BIRC2: variants seen among roughly 807,000 people sequenced by gnomAD.
BIRC2 encodes baculoviral IAP repeat-containing protein 2.
Under a neutral mutation model 60.9 loss-of-function variants are expected in BIRC2, and 18 were observed. That is an observed-to-expected ratio of 0.30 (90% CI 0.20 to 0.44). The LOEUF (loss-of-function observed/expected upper bound fraction) is 0.44. BIRC2 is among the 20% of genes least tolerant of loss of function. The pLI, the probability that BIRC2 is intolerant of heterozygous loss-of-function variation, is 1.00. For synonymous variants in BIRC2, 282 were observed against 247.7 expected, an observed-to-expected ratio of 1.14 and a Z score of -1.30; for missense variants, 701 against 728.5, an observed-to-expected ratio of 0.96 and a Z score of 0.43.
chr11:102,378,201 TTTAACC>T lies in BIRC2; in HGVS notation c.*20_*25del. ...TCTCTTAAAGAAAAATAGTCTATATTTTAACCTGCATAAAAAGGTCTTTAAAATATT... is the reference window on the plus strand; with the variant it reads ...TCTCTTAAAGAAAAATAGTCTATATTTGCATAAAAAGGTCTTTAAAATATT... On this transcript the variant is annotated 3_prime_UTR_variant, in exon 9 of 9. Coordinates refer to ENST00000227758, the MANE Select transcript of BIRC2 (RefSeq NM_001166.5). 6.5e-7 allele frequency: 1 copy of T among 1,544,464 alleles called. No homozygotes were observed. Among genetic ancestry groups the T allele is most frequent in the Non-Finnish European group, 8.7e-7 (1 of 1,147,658 alleles).
intron 3 of BIRC2, among the ~76,000 whole-genome samples, chr11:102,361,078 G>A (rs948662360): frequency 6.6e-6 from 1 of 152,128 alleles, no homozygotes; most frequent in Non-Finnish European, 1.5e-5. Flanking sequence ...ATTCTTCTTG[G>A]CACAGGTTCT....
intron 5 of BIRC2, among the ~76,000 whole-genome samples, chr11:102,367,475 G>C (rs1391051989): frequency 6.6e-6 from 1 of 152,068 alleles, no homozygotes; most frequent in African/African-American, 2.4e-5. Flanking sequence ...CGGATTCCAC[G>C]CGTGTTTGAA....
At position 102,377,634 on chromosome 11, in the gene BIRC2, T is replaced by C. The variant is rs1436114382; in HGVS notation, c.1505T>C (p.Ile502Thr). The change falls in exon 7 of 9, where the codon ATA becomes ACA. Residue 502 changes from isoleucine (I) to threonine (T), a missense_variant. This residue lies in a region of BIRC2 where 235 missense variants were observed against 208.9 expected (regional missense o/e 1.12). Transcript: ENST00000227758. ...EHDIIKQKTQ[I>T]PLQARELIDT... ...GATATTATTAAACAAAAAACACAGA[T>C]ACCTTTACAAGCGAGAGAACTGATT... 1.2e-6 allele frequency: 2 copies of C among 1,611,280 alleles called. No homozygotes were observed. The highest frequency in any genetic ancestry group is 1.7e-6 in the Non-Finnish European group (2 of 1,179,260).
At chr11:102,369,916 T>TGATG (rs1389671203) in intron 6 of BIRC2, among the ~76,000 whole-genome samples, 5 of 150,134 alleles carry the variant, frequency 3.3e-5, no homozygotes, top group Non-Finnish European at 6.0e-5. Flanking sequence ...TGATGGCCAG[T>TGATG]GATGATGAGC....
intron 6 of BIRC2, among the ~76,000 whole-genome samples, chr11:102,372,035 G>A (rs1951637791): frequency 6.6e-6 from 1 of 152,052 alleles, no homozygotes; most frequent in Non-Finnish European, 1.5e-5. Flanking sequence ...ATTTTTTATT[G>A]CGTCTATTTG....
intron 6 of BIRC2, among the ~76,000 whole-genome samples, chr11:102,373,175 T>C (rs1241171629): frequency 3.3e-5 from 5 of 151,926 alleles, no homozygotes; most frequent in Non-Finnish European, 7.4e-5. Flanking sequence ...ACATTTAAAG[T>C]TAATATTGTC....
intron 3 of BIRC2, among the ~76,000 whole-genome samples, chr11:102,361,163 A>G (rs1039208527): frequency 9.9e-5 from 15 of 152,176 alleles, no homozygotes; most frequent in African/African-American, 3.6e-4. Context: ...TGGAGCAGCT[A>G]CAGAGCCAAG....
At chr11:102,366,592 G>T (rs1055443247) in intron 5 of BIRC2, among the ~76,000 whole-genome samples, 2 of 151,508 alleles carry the variant, frequency 1.3e-5, no homozygotes, top group Non-Finnish European at 2.9e-5. Context: ...GGATGGTCTC[G>T]ATCTCCTCAC....
At chr11:102,367,886 C>T (rs1219672564) in intron 5 of BIRC2, among the ~76,000 whole-genome samples, 6 of 152,196 alleles carry the variant, frequency 3.9e-5, no homozygotes, top group East Asian at 1.9e-4. Context: ...AACTCTAATG[C>T]GCCACTTTTC....
In BIRC2 at chr11:102,350,872, T is replaced by C. The variant is rs746354705; in HGVS notation, c.924T>C (p.Cys308=). ...VGRNDDVKCF[C]CDGGLRCWES... ...GCAATGATGATGTCAAATGCTTTTG[T>C]TGTGATGGTGGCTTGAGGTGTTGGG... is the stretch of plus-strand genomic sequence containing the variant. Residue 308 remains cysteine, a synonymous_variant, in exon 3 of 9, where the codon TGT becomes TGC. Transcript: ENST00000227758. The C allele has an allele frequency of 6.2e-7, 1 of 1,614,140 alleles. No individual in the cohort carries two copies. The highest frequency in any genetic ancestry group is 8.5e-7 in the Non-Finnish European group (1 of 1,179,986).
At chr11:102,376,115 C>T (rs570972464) in intron 6 of BIRC2, among the ~76,000 whole-genome samples, 4 of 152,148 alleles carry the variant, frequency 2.6e-5, no homozygotes, top group Non-Finnish European at 4.4e-5. Context: ...AGATTTATGA[C>T]TTTCTCATAC....
At chr11:102,360,775 G>GTTTTTTTTTTTTT (rs1555047753) in intron 3 of BIRC2, among the ~76,000 whole-genome samples, 2 of 135,726 alleles carry the variant, frequency 1.5e-5, no homozygotes, top group African/African-American at 2.6e-5. Context: ...AGATTAGTGT[G>GTTTTTTTTTTTTT]TTTTTTTTGT....
At chr11:102,357,378 T>C (rs1333278995) in intron 3 of BIRC2, among the ~76,000 whole-genome samples, 2 of 151,948 alleles carry the variant, frequency 1.3e-5, no homozygotes, top group Non-Finnish European at 2.9e-5. Context: ...TTTCTTCTTC[T>C]TTCTTCTTCT....
At chr11:102,357,727 C>G (rs1353314988) in intron 3 of BIRC2, among the ~76,000 whole-genome samples, 1 of 151,872 alleles carries the variant, frequency 6.6e-6, no homozygotes, top group African/African-American at 2.4e-5. Flanking sequence ...TTTCAAAATC[C>G]AGCTCTTAGT....
intron 3 of BIRC2, among the ~76,000 whole-genome samples, chr11:102,360,079 G>A (rs1951468823): frequency 6.6e-6 from 1 of 151,518 alleles, no homozygotes; most frequent in South Asian, 2.1e-4. Context: ...TGATTCTCCT[G>A]CCTCAGCCTC....
chr11:102,350,725 G>C lies in BIRC2; in HGVS notation c.871G>C (p.Ala291Pro). The change falls in exon 2 of 9, where the codon GCA becomes CCA. Residue 291 changes from alanine to proline, a missense_variant. Physicochemically the swap from Ala to Pro is conservative, Grantham distance 27. This residue lies in a region of BIRC2 where 375 missense variants were observed against 365.9 expected (regional missense o/e 1.02). Transcript: ENST00000227758. ...SSVPVQPEQLASAGFYYVGRN... is the reference protein window; with the variant it reads ...SSVPVQPEQLPSAGFYYVGRN... ...TGTTCCAGTTCAGCCTGAGCAGCTT[G>C]CAAGTGCTGGTTTTTATTATGTGGG... 1 of 1,606,628 alleles carries C rather than the reference G, an allele frequency of 6.2e-7. No homozygotes were observed. Among genetic ancestry groups the C allele is most frequent in the Non-Finnish European group, 8.5e-7 (1 of 1,176,530 alleles).
rs574978692 is a variant in BIRC2, at chr11:102,349,676, G to T, written c.-179G>T. 1 of 628,582 alleles carries T rather than the reference G, an allele frequency of 1.6e-6. No homozygotes were observed. Among genetic ancestry groups the T allele is most frequent in the Non-Finnish European group, 2.6e-6 (1 of 379,608 alleles). 38.9% of individuals were successfully genotyped at this position (628,582 alleles called of 1,614,324 possible). ...AGAGTTGTGTTCTAAGTAGTATCTT[G>T]GTAATTCAGAGAGATACTCATCCTA... On this transcript the variant is annotated 5_prime_UTR_variant, in exon 2 of 9. Transcript: ENST00000227758.
intron 6 of BIRC2, among the ~76,000 whole-genome samples, chr11:102,375,466 T>C (rs954357411): frequency 1.1e-4 from 17 of 152,186 alleles, no homozygotes; most frequent in Admixed American, 2.6e-4. Context: ...GACTTCTACA[T>C]TGAAACAGAT....
At chr11:102,362,728 G>T in intron 3 of BIRC2, 168 bp from the exon 4 acceptor site, 2 of 530,688 alleles carry the variant, frequency 3.8e-6, no homozygotes, top group Admixed American at 3.1e-5. Flanking sequence ...GATGTATATT[G>T]TTTTATGATA....
Sources: allele counts gnomAD v4.1 joint callset (sites outside exome capture counted in the v4.1 genomes callset), GRCh38; gene constraint gnomAD v4.1.1; regional missense constraint gnomAD v4.1.1; transcripts MANE v1.5; gene names NCBI Gene and HGNC (gene_info 2026-07-23, HGNC 2026-07-21).